CCNT2: variants seen among roughly 807,000 people sequenced by gnomAD.
CCNT2 encodes the protein cyclin-T2.
In CCNT2, 18 loss-of-function variants were observed where a neutral mutation model predicts 70.0. The ratio of observed to expected loss-of-function variants is 0.26; its 90% CI spans 0.18 to 0.38. The LOEUF is 0.38. Ranked by LOEUF, CCNT2 falls within the 10% of genes least tolerant of loss-of-function variation. CCNT2 has a pLI of 1.00. For missense variants in CCNT2, 734 were observed against 890.2 expected, an observed-to-expected ratio of 0.82 and a Z score of 2.23; for synonymous variants, 334 against 313.3, an observed-to-expected ratio of 1.07 and a Z score of -0.70.
chr2:134,953,112 C>A, intron 8 of CCNT2, 118 bp from the exon 9 acceptor site: 1 of 667,818 alleles, frequency 1.5e-6, no homozygotes, highest in Non-Finnish European at 2.4e-6. Context: ...AACCCCAGGT[C>A]ATTTTATTTC....
At position 134,953,576 on chromosome 2, in the gene CCNT2, G is replaced by C; in HGVS notation, c.1121G>C (p.Gly374Ala). ...CAGAAACAGGAGACATCTTTGTCTG[G>C]TAGCCAGTACAACATCAACTTCCAG... The part of the protein sequence containing the change: ...YSQKQETSLS[G>A]SQYNINFQQG... Residue 374 changes from glycine to alanine, a missense_variant, in exon 9 of 9, where the codon GGT becomes GCT. Gly to Ala is a moderately conservative substitution (Grantham distance 60). Around this residue, in one of 3 missense-constraint regions of CCNT2, gnomAD observed 532 missense variants for 556.9 expected, o/e 0.96. Coordinates refer to ENST00000264157, the MANE Select transcript of CCNT2 (RefSeq NM_058241.3). 2 of 1,613,690 alleles carry C rather than the reference G, an allele frequency of 1.2e-6. No individual in the cohort carries two copies. Among genetic ancestry groups the C allele is most frequent in the Non-Finnish European group, 1.7e-6 (2 of 1,179,938 alleles).
At chr2:134,929,636 A>AGAGAGAGAGAGAG (rs1419165195) in intron 2 of CCNT2, among the ~76,000 whole-genome samples, 17 of 129,810 alleles carry the variant, frequency 1.3e-4, no homozygotes, top group East Asian at 1.1e-3. Context: ...AGAGAGAGAG[A>AGAGAGAGAGAGAG]ACTAATAAAT....
chr2:134,954,544 C>G lies in CCNT2; in HGVS notation c.2089C>G (p.Pro697Ala). ...CAAGAAGCCAGTGGAGACCAACGGT[C>G]CTGATGCCAATCACGAGTACAGTAC... ...LDKKPVETNG[P>A]DANHEYSTSS... The change falls in exon 9 of 9, where the codon CCT becomes GCT. Residue 697 changes from proline (P) to alanine (A), a missense_variant. Pro to Ala is a conservative substitution (Grantham distance 27). Coordinates refer to ENST00000264157, the MANE Select transcript of CCNT2 (RefSeq NM_058241.3). The G allele has an allele frequency of 1.2e-6, 2 of 1,614,018 alleles. No homozygotes were observed. Among genetic ancestry groups the G allele is most frequent in the Non-Finnish European group, 1.7e-6 (2 of 1,179,910 alleles).
chr2:134,936,724 A>T lies in CCNT2; in HGVS notation c.241-117A>T, dbSNP rs559256765. 60 of 793,232 alleles carry T rather than the reference A, an allele frequency of 7.6e-5. No individual in the cohort carries two copies. The African/African-American group carries it at 1.1e-3, about 14-fold the overall frequency. The allele number at this position is 793,232 out of a possible 1,614,324, so 49.1% of individuals were successfully genotyped here. A position where few individuals can be genotyped will look rare whatever the true frequency, so the allele number is the denominator to read the frequency against. ...AGCCGAGATCACACCACTGCACTCC[A>T]GCCTGGGCAACAGGAGCGAAACTCC... On this transcript the variant is annotated intron_variant, in intron 2 of 8. Transcript: ENST00000264157.
At chr2:134,930,107 T>C (rs1466590359) in intron 2 of CCNT2, among the ~76,000 whole-genome samples, 1 of 152,174 alleles carries the variant, frequency 6.6e-6, no homozygotes, top group African/African-American at 2.4e-5. Flanking sequence ...AATATTTTTA[T>C]CACCCCAAAA....
At chr2:134,952,107 A>G (rs1682552794) in intron 7 of CCNT2, among the ~76,000 whole-genome samples, 1 of 152,236 alleles carries the variant, frequency 6.6e-6, no homozygotes, top group African/African-American at 2.4e-5. Flanking sequence ...ATCAAGGGGT[A>G]CAGTATGTTG....
rs1395343948 is a variant in CCNT2 at position 134,954,258 on chromosome 2, T to C, written c.1803T>C (p.Ser601=). Residue 601 remains serine (S), a synonymous_variant, in exon 9 of 9, where the codon AGT becomes AGC. Coordinates refer to ENST00000264157, the MANE Select transcript of CCNT2 (RefSeq NM_058241.3). The part of the protein sequence containing the change: ...ADGIPPTVLR[S]PVGLSSDGIS... ...GAATACCACCCACTGTTCTGAGGAG[T>C]CCTGTTGGCCTGAGCAGTGATGGCA... 2.5e-6 allele frequency: 4 copies of C among 1,613,804 alleles called. No individual in the cohort carries two copies. The African/African-American group carries it at 5.3e-5, about 22-fold the overall frequency.
At chr2:134,941,465 G>A (rs1402814669) in intron 4 of CCNT2, among the ~76,000 whole-genome samples, 2 of 152,182 alleles carry the variant, frequency 1.3e-5, no homozygotes, top group African/African-American at 4.8e-5. Context: ...AGCAGGTTCT[G>A]ATCAACGATA....
intron 1 of CCNT2, 142 bp downstream of exon 1, chr2:134,919,154 G>C: frequency 1.0e-6 from 1 of 979,788 alleles, no homozygotes; most frequent in Non-Finnish European, 1.5e-6. Flanking sequence ...TTCCGGCTCG[G>C]GCAGTCGCGA....
At chr2:134,923,596 G>A (rs1026118747) in intron 2 of CCNT2, among the ~76,000 whole-genome samples, 4 of 152,228 alleles carry the variant, frequency 2.6e-5, no homozygotes, top group African/African-American at 9.6e-5. Context: ...GTACTAACCT[G>A]TAAATTTGAG....
chr2:134,942,622 C>G lies in CCNT2; in HGVS notation c.441C>G (p.Ile147Met). Residue 147 changes from isoleucine (I) to methionine (M), a missense_variant, in exon 5 of 9, where the codon ATC becomes ATG. Transcript: ENST00000264157. Reference sequence around the variant, plus strand: ...TGCTTATCATTTCAGGTTTTGAGATCACCATTGAACACCCACACACAGATG... The same window carrying G: ...TGCTTATCATTTCAGGTTTTGAGATGACCATTGAACACCCACACACAGATG... The part of the protein sequence containing the change: ...TIMLQTLGFE[I>M]TIEHPHTDVV... The G allele has an allele frequency of 6.2e-7, 1 of 1,610,080 alleles. No homozygotes were observed.
intron 7 of CCNT2, among the ~76,000 whole-genome samples, chr2:134,948,724 T>G (rs1682192131): frequency 6.6e-6 from 1 of 151,622 alleles, no homozygotes; most frequent in Admixed American, 6.6e-5. Flanking sequence ...ATAACACTTT[T>G]TTTTTTTTTT....
At position 134,954,141 on chromosome 2, in the gene CCNT2, G is replaced by A; in HGVS notation, c.1686G>A (p.Glu562=). ...GAGACCATAAGGAGAAGCACAAGGAGCATCCTTCAAGCCGCCACCACACCA... is the reference window on the plus strand; with the variant it reads ...GAGACCATAAGGAGAAGCACAAGGAACATCCTTCAAGCCGCCACCACACCA... The part of the protein sequence containing the change: ...ISRDHKEKHK[E]HPSSRHHTSS... Residue 562 remains glutamate, a synonymous_variant, in exon 9 of 9, where the codon GAG becomes GAA. Transcript: ENST00000264157. The A allele has an allele frequency of 1.2e-6, 2 of 1,614,144 alleles. No individual in the cohort carries two copies. Among genetic ancestry groups the A allele is most frequent in the East Asian group, 2.2e-5 (1 of 44,876 alleles).
intron 7 of CCNT2, among the ~76,000 whole-genome samples, chr2:134,951,671 T>G (rs967097777): frequency 3.5e-4 from 54 of 152,284 alleles, no homozygotes; most frequent in African/African-American, 1.3e-3. Flanking sequence ...CGAGACCCTG[T>G]CTCTGTTATT....
At chr2:134,928,274 CTTTTTTT>C (rs551173090) in intron 2 of CCNT2, among the ~76,000 whole-genome samples, 1 of 96,428 alleles carries the variant, frequency 1.0e-5, no homozygotes, top group East Asian at 3.2e-4. Flanking sequence ...CATTGTATTT[CTTTTTTT>C]TTTTTTTTTT....
At position 134,955,668 on chromosome 2, in the gene CCNT2, T is replaced by C. The variant is rs923412608; in HGVS notation, c.*1020T>C. ...ACAGGGATCACTTTTCCTTTAGCAT[T>C]CAGAATGACACCATATTCTTAAATA... On this transcript the variant is annotated 3_prime_UTR_variant, in exon 9 of 9. Coordinates refer to ENST00000264157, the MANE Select transcript of CCNT2 (RefSeq NM_058241.3). The C allele has an allele frequency of 1.3e-5, 2 of 152,646 alleles. No homozygotes were observed. Among genetic ancestry groups the C allele is most frequent in the African/African-American group, 4.8e-5 (2 of 41,454 alleles). 9.5% of individuals were successfully genotyped at this position (152,646 alleles called of 1,614,324 possible). A position where few individuals can be genotyped will look rare whatever the true frequency, so the allele number is the denominator to read the frequency against.
chr2:134,945,621 G>T, intron 5 of CCNT2: 1 of 985,382 alleles, frequency 1.0e-6, no homozygotes, highest in Non-Finnish European at 1.2e-6. Flanking sequence ...TGAGCAGTTT[G>T]TGCTCTGTGT....
At chr2:134,943,656 A>G (rs1681733893) in intron 5 of CCNT2, 2 of 984,724 alleles carry the variant, frequency 2.0e-6, no homozygotes, top group Non-Finnish European at 2.4e-6. Context: ...CTGATACAGC[A>G]TTTTCTACTC....
intron 2 of CCNT2, among the ~76,000 whole-genome samples, chr2:134,928,688 G>A (rs887693201): frequency 1.3e-5 from 2 of 151,832 alleles, no homozygotes; most frequent in Admixed American, 1.3e-4. Context: ...AGGCAAATGT[G>A]CACTTTCACA....
Sources: allele counts gnomAD v4.1 joint callset (sites outside exome capture counted in the v4.1 genomes callset), GRCh38; gene constraint gnomAD v4.1.1; regional missense constraint gnomAD v4.1.1; transcripts MANE v1.5; gene names NCBI Gene and HGNC (gene_info 2026-07-23, HGNC 2026-07-21).